LUZP2: variants seen among roughly 807,000 people sequenced by gnomAD.
LUZP2 encodes leucine zipper protein 2.
A neutral mutation model predicts 51.6 loss-of-function variants in LUZP2; 52 were observed. The observed-to-expected ratio is 1.01, with a 90% CI of 0.81 to 1.27. LUZP2 has a LOEUF of 1.27. Ranked by LOEUF, LUZP2 falls within the 50% of genes most tolerant of loss-of-function variation. The pLI is 0.00. For synonymous variants in LUZP2, 154 were observed against 137.3 expected (o/e 1.12, Z -0.85); for missense variants, 436 against 395.4 (o/e 1.10, Z -0.87).
chr11:24,919,658 A>C (rs923712006), intron 7 of LUZP2, among the ~76,000 whole-genome samples: 1 of 148,984 alleles, frequency 6.7e-6, no homozygotes, highest in South Asian at 2.1e-4. Context: ...ATGTTTATAC[A>C]TGCATACATA....
chr11:24,845,598 T>A (rs1021231874), intron 5 of LUZP2, among the ~76,000 whole-genome samples: 1 of 152,118 alleles, frequency 6.6e-6, no homozygotes, highest in Non-Finnish European at 1.5e-5. Flanking sequence ...GAATTGTAAC[T>A]CCCACAATTC....
chr11:24,837,068 A>AT (rs11440647), intron 5 of LUZP2, among the ~76,000 whole-genome samples: 140,616 of 151,660 alleles, frequency 0.93, 65,886 homozygotes, highest in East Asian at 1. Context: ...GGTTGGTAGA[A>AT]TTATGTCCTT....
intron 9 of LUZP2, among the ~76,000 whole-genome samples, chr11:25,004,862 G>C (rs1467845191): frequency 6.6e-6 from 1 of 152,210 alleles, no homozygotes; most frequent in African/African-American, 2.4e-5. Flanking sequence ...CTGTCATTCT[G>C]TCATTTACTT....
At chr11:24,959,525 T>G (rs961273457) in intron 7 of LUZP2, among the ~76,000 whole-genome samples, 5 of 152,302 alleles carry the variant, frequency 3.3e-5, no homozygotes, top group African/African-American at 7.2e-5. Context: ...CAATTGTGAA[T>G]GGGAGTTCAC....
At chr11:24,679,939 T>C (rs1249146989) in intron 1 of LUZP2, among the ~76,000 whole-genome samples, 1 of 152,202 alleles carries the variant, frequency 6.6e-6, no homozygotes, top group Non-Finnish European at 1.5e-5. Context: ...CTCACTGTGC[T>C]GAGCGATGAA....
chr11:24,814,190 C>G (rs768286438), intron 5 of LUZP2, among the ~76,000 whole-genome samples: 1 of 152,202 alleles, frequency 6.6e-6, no homozygotes, highest in Non-Finnish European at 1.5e-5. Context: ...TTTGCCCTAT[C>G]TTTTCCATTG....
chr11:25,016,743 A>C (rs777440130), intron 9 of LUZP2, among the ~76,000 whole-genome samples: 1 of 152,094 alleles, frequency 6.6e-6, no homozygotes, highest in Non-Finnish European at 1.5e-5. Flanking sequence ...GTACATATGC[A>C]TGTGTCTTTT....
At chr11:24,573,581 GTAGT>G (rs1359109460) in intron 1 of LUZP2, among the ~76,000 whole-genome samples, 2 of 151,914 alleles carry the variant, frequency 1.3e-5, no homozygotes, top group Non-Finnish European at 2.9e-5. Context: ...CATATTTAGA[GTAGT>G]TAAATTCTGG....
intron 5 of LUZP2, among the ~76,000 whole-genome samples, chr11:24,767,313 C>A (rs552622896): frequency 6.6e-6 from 1 of 152,098 alleles, no homozygotes; most frequent in African/African-American, 2.4e-5. Flanking sequence ...AAAAGGTTAA[C>A]TGAGATATAA....
intron 9 of LUZP2, among the ~76,000 whole-genome samples, chr11:24,990,592 T>A (rs1396075831): frequency 1.3e-5 from 2 of 151,968 alleles, no homozygotes; most frequent in African/African-American, 2.4e-5. Flanking sequence ...CCTTGGTTAA[T>A]CCTAAGGAAA....
intron 1 of LUZP2, among the ~76,000 whole-genome samples, chr11:24,530,390 C>G (rs1850955299): frequency 6.6e-6 from 1 of 150,772 alleles, no homozygotes; most frequent in Admixed American, 6.6e-5. Context: ...GACTGATCAT[C>G]ATATATACAT....
At chr11:24,962,833 G>T (rs1324583341) in intron 7 of LUZP2, among the ~76,000 whole-genome samples, 1 of 152,206 alleles carries the variant, frequency 6.6e-6, no homozygotes, top group African/African-American at 2.4e-5. Flanking sequence ...AGGAAGAGAG[G>T]TGCTCTGCTT....
At chr11:25,051,423 G>T (rs1858510088) in intron 10 of LUZP2, among the ~76,000 whole-genome samples, 1 of 152,134 alleles carries the variant, frequency 6.6e-6, no homozygotes, top group Admixed American at 6.5e-5. Context: ...ATGTTAATAA[G>T]AAGTATAAAT....
intron 1 of LUZP2, among the ~76,000 whole-genome samples, chr11:24,679,402 CTTAA>C (rs1344203927): frequency 1.3e-5 from 2 of 151,866 alleles, no homozygotes; most frequent in African/African-American, 4.8e-5. Context: ...AGTATATTTT[CTTAA>C]TTATTTTTAT....
At chr11:24,594,864 A>G (rs1260536126) in intron 1 of LUZP2, among the ~76,000 whole-genome samples, 2 of 143,680 alleles carry the variant, frequency 1.4e-5, no homozygotes, top group Non-Finnish European at 3.0e-5. Context: ...GGTTCAAGCA[A>G]TTTTCCTGCC....
chr11:24,976,116 T>C (rs978197436), intron 7 of LUZP2, among the ~76,000 whole-genome samples: 2 of 151,906 alleles, frequency 1.3e-5, no homozygotes, highest in African/African-American at 4.8e-5. Context: ...TCTCCTTATG[T>C]GAACATGTGT....
At chr11:25,066,961 A>G (rs1433648773) in intron 10 of LUZP2, among the ~76,000 whole-genome samples, 1 of 151,980 alleles carries the variant, frequency 6.6e-6, no homozygotes, top group Non-Finnish European at 1.5e-5. Context: ...GAGACATTGA[A>G]CCTACATATG....
intron 1 of LUZP2, among the ~76,000 whole-genome samples, chr11:24,647,469 A>G (rs1408422618): frequency 6.6e-6 from 1 of 151,984 alleles, no homozygotes; most frequent in Admixed American, 6.6e-5. Context: ...GTGTTTATCT[A>G]GACAATAAAT....
intron 5 of LUZP2, among the ~76,000 whole-genome samples, chr11:24,800,625 A>G (rs560461737): frequency 6.6e-6 from 1 of 152,150 alleles, no homozygotes; most frequent in South Asian, 2.1e-4. Context: ...TCATATCCTC[A>G]CTTATCTTCC....
Sources: allele counts gnomAD v4.1 joint callset (sites outside exome capture counted in the v4.1 genomes callset), GRCh38; gene constraint gnomAD v4.1.1; transcripts MANE v1.5; gene names NCBI Gene and HGNC (gene_info 2026-07-23, HGNC 2026-07-21).